Variants in RPS6KC1 observed in about 807,000 individuals in gnomAD.
RPS6KC1 encodes inactive ribosomal protein S6 kinase delta-1.
In RPS6KC1, 54 loss-of-function variants were observed where a neutral mutation model predicts 103.8. The observed-to-expected ratio is 0.52, with a 90% CI of 0.42 to 0.65. The LOEUF is 0.65. RPS6KC1 is among the 30% of genes least tolerant of loss of function. The probability of loss-of-function intolerance (pLI) is 0.00; values close to 1 mark genes in which losing one functional copy is unlikely to be tolerated. For missense variants in RPS6KC1, 1,151 were observed against 1,253.8 expected (o/e 0.92, Z 1.24); for synonymous variants, 439 against 438.7 (o/e 1.00, Z -0.01).
chr1:213,746,123 A>T, the RPS6KC1 span, among the ~76,000 whole-genome samples: 1 of 152,256 alleles, frequency 6.6e-6, no homozygotes, highest in Non-Finnish European at 1.5e-5. Context: ...GTGAGAGAAG[A>T]TGGGCAATAA....
chr1:213,289,479 TA>T, the RPS6KC1 span, among the ~76,000 whole-genome samples: 1 of 152,088 alleles, frequency 6.6e-6, no homozygotes, highest in Non-Finnish European at 1.5e-5. Flanking sequence ...ATGAAGCCCA[TA>T]AATAAAAATG....
At chr1:213,828,049 C>G in the RPS6KC1 span, among the ~76,000 whole-genome samples, 1 of 152,114 alleles carries the variant, frequency 6.6e-6, no homozygotes, top group East Asian at 1.9e-4. Flanking sequence ...TTGAAAAGCT[C>G]TAATTTTGAG....
the RPS6KC1 span, among the ~76,000 whole-genome samples, chr1:213,787,465 G>T: frequency 1.3e-5 from 2 of 152,134 alleles, no homozygotes; most frequent in African/African-American, 4.8e-5. Context: ...ATTCAAGAAA[G>T]GAAATGCTAA....
At chr1:213,289,625 A>C in the RPS6KC1 span, among the ~76,000 whole-genome samples, 1 of 152,246 alleles carries the variant, frequency 6.6e-6, no homozygotes, top group African/African-American at 2.4e-5. Flanking sequence ...GCATAACTGA[A>C]GAATTTCAGA....
intron 6 of RPS6KC1, among the ~76,000 whole-genome samples, chr1:213,134,378 C>T (rs1016857198): frequency 4.0e-5 from 6 of 151,848 alleles, no homozygotes; most frequent in Non-Finnish European, 5.9e-5. Flanking sequence ...CTCTCCTCTT[C>T]TCTTCTCTTG....
the RPS6KC1 span, among the ~76,000 whole-genome samples, chr1:213,810,658 G>A: frequency 6.6e-6 from 1 of 150,754 alleles, no homozygotes; most frequent in East Asian, 1.9e-4. Context: ...ATTCTGACAG[G>A]TGAGTTTGAA....
At chr1:213,703,952 G>C in the RPS6KC1 span, among the ~76,000 whole-genome samples, 1 of 151,984 alleles carries the variant, frequency 6.6e-6, no homozygotes, top group African/African-American at 2.4e-5. Context: ...TTTAAGACCA[G>C]TAACCCTTAG....
the RPS6KC1 span, among the ~76,000 whole-genome samples, chr1:213,301,527 G>A: frequency 3.3e-5 from 5 of 152,028 alleles, no homozygotes; most frequent in Non-Finnish European, 5.9e-5. Context: ...GTCATCTGGA[G>A]ATTTGTTAAA....
rs2095105053 is a variant in RPS6KC1, at chr1:213,274,680, G to T, written c.*2046G>T. 1 of 151,770 alleles carries T rather than the reference G, an allele frequency of 6.6e-6. No homozygotes were observed. 9.4% of individuals were successfully genotyped at this position (151,770 alleles called of 1,614,324 possible). ...TATTTTAAGCTGTACTTCTGTGAAT[G>T]GTACTGATTTTTGTGGTTGTTTTTT... is the stretch of plus-strand genomic sequence containing the variant. On this transcript the variant is annotated 3_prime_UTR_variant, in exon 15 of 15. Transcript: ENST00000366960.
the RPS6KC1 span, among the ~76,000 whole-genome samples, chr1:213,691,288 A>G: frequency 6.6e-6 from 1 of 152,200 alleles, no homozygotes; most frequent in Non-Finnish European, 1.5e-5. Context: ...GTAAACCTCC[A>G]AAAGCAAATA....
At chr1:213,142,482 G>A (rs965936753) in intron 6 of RPS6KC1, among the ~76,000 whole-genome samples, 3 of 152,076 alleles carry the variant, frequency 2.0e-5, no homozygotes, top group Non-Finnish European at 4.4e-5. Flanking sequence ...TCTCATCTGT[G>A]TGGGCTGATC....
the RPS6KC1 span, among the ~76,000 whole-genome samples, chr1:213,363,749 C>CTTTCTT: frequency 6.6e-5 from 4 of 60,684 alleles, no homozygotes; most frequent in East Asian, 5.4e-4. Flanking sequence ...TCTCTTCTTT[C>CTTTCTT]TCTTTCTCTC....
chr1:213,532,129 C>A, the RPS6KC1 span, among the ~76,000 whole-genome samples: 1 of 152,176 alleles, frequency 6.6e-6, no homozygotes, highest in African/African-American at 2.4e-5. Flanking sequence ...CTTCTGCAGG[C>A]TGCCCATCAA....
At chr1:213,104,221 A>G (rs756899001) in intron 3 of RPS6KC1, among the ~76,000 whole-genome samples, 2 of 152,202 alleles carry the variant, frequency 1.3e-5, no homozygotes, top group African/African-American at 4.8e-5. Flanking sequence ...TGAATGTACC[A>G]TTTATTTATC....
the RPS6KC1 span, among the ~76,000 whole-genome samples, chr1:213,600,916 T>C: frequency 6.6e-6 from 1 of 152,238 alleles, no homozygotes; most frequent in Non-Finnish European, 1.5e-5. Flanking sequence ...TGGCTGACTT[T>C]GTGAGAAGCC....
At chr1:213,297,268 T>G in the RPS6KC1 span, among the ~76,000 whole-genome samples, 1 of 152,236 alleles carries the variant, frequency 6.6e-6, no homozygotes. Context: ...GATGACTGAA[T>G]ACGGGTCTGC....
chr1:213,633,024 G>A, the RPS6KC1 span, among the ~76,000 whole-genome samples: 1 of 152,290 alleles, frequency 6.6e-6, no homozygotes, highest in Non-Finnish European at 1.5e-5. Context: ...AACGAACAAA[G>A]CCTCCAAGAA....
the RPS6KC1 span, among the ~76,000 whole-genome samples, chr1:213,412,497 T>C: frequency 6.6e-6 from 1 of 152,342 alleles, no homozygotes; most frequent in African/African-American, 2.4e-5. Context: ...TTTCTGTATG[T>C]TTCCTGCTTA....
the RPS6KC1 span, among the ~76,000 whole-genome samples, chr1:213,579,226 T>C: frequency 1.3e-5 from 2 of 152,080 alleles, no homozygotes; most frequent in Non-Finnish European, 2.9e-5. Flanking sequence ...CTAAGCCATG[T>C]GGAACTTTGA....
Sources: allele counts gnomAD v4.1 joint callset (sites outside exome capture counted in the v4.1 genomes callset), GRCh38; gene constraint gnomAD v4.1.1; transcripts MANE v1.5; gene names NCBI Gene and HGNC (gene_info 2026-07-23, HGNC 2026-07-21).